MTA1: variants seen among roughly 807,000 people sequenced by gnomAD.
MTA1 encodes metastasis associated 1.
In MTA1, 15 loss-of-function variants were observed where a neutral mutation model predicts 97.0. The observed-to-expected ratio is 0.15, with a 90% CI of 0.10 to 0.24. MTA1 has a LOEUF of 0.24. MTA1 is among the 10% of genes least tolerant of loss of function. The probability of loss-of-function intolerance (pLI) is 1.00; values close to 1 mark genes in which losing one functional copy is unlikely to be tolerated. For synonymous variants in MTA1, 435 were observed against 417.5 expected (o/e 1.04, Z -0.51); for missense variants, 709 against 1,015.1 (o/e 0.70, Z 4.10).
intron 7 of MTA1, among the ~76,000 whole-genome samples, chr14:105,455,467 A>G (rs1305585899): frequency 6.6e-6 from 1 of 152,212 alleles, no homozygotes; most frequent in African/African-American, 2.4e-5. Context: ...GCTGCCCTCG[A>G]GACGCAGGGC....
At chr14:105,428,447 C>T (rs1331398647) in intron 1 of MTA1, among the ~76,000 whole-genome samples, 2 of 152,120 alleles carry the variant, frequency 1.3e-5, no homozygotes, top group Non-Finnish European at 2.9e-5. Flanking sequence ...TGCACCACCA[C>T]ACCCAGCTAA....
chr14:105,437,300 C>T (rs1356054884), intron 1 of MTA1, among the ~76,000 whole-genome samples: 1 of 151,046 alleles, frequency 6.6e-6, no homozygotes, highest in Non-Finnish European at 1.5e-5. Context: ...GGTGCGTCCT[C>T]ATGGGCGTGT....
chr14:105,441,658 G>C (rs969656483), intron 2 of MTA1, among the ~76,000 whole-genome samples: 2 of 152,172 alleles, frequency 1.3e-5, no homozygotes, highest in African/African-American at 2.4e-5. Context: ...GCCGGGCGTG[G>C]TGGCGGGCGC....
chr14:105,443,205 G>A (rs587695259), intron 2 of MTA1, among the ~76,000 whole-genome samples: 2 of 152,260 alleles, frequency 1.3e-5, no homozygotes, highest in East Asian at 3.9e-4. Flanking sequence ...ATCATGACTT[G>A]AAGCAGAGCA....
chr14:105,455,440 C>A (rs1413054183), intron 7 of MTA1, among the ~76,000 whole-genome samples: 1 of 152,242 alleles, frequency 6.6e-6, no homozygotes, highest in African/African-American at 2.4e-5. Flanking sequence ...CATCTCCCCG[C>A]TGGGCAAGGC....
At chr14:105,423,045 T>C (rs782688744) in intron 1 of MTA1, among the ~76,000 whole-genome samples, 1 of 152,068 alleles carries the variant, frequency 6.6e-6, no homozygotes, top group Non-Finnish European at 1.5e-5. Flanking sequence ...ATGAAGATGT[T>C]AGATAGCATC....
At chr14:105,448,590 G>A (rs1191706885) in intron 3 of MTA1, among the ~76,000 whole-genome samples, 1 of 152,212 alleles carries the variant, frequency 6.6e-6, no homozygotes, top group Non-Finnish European at 1.5e-5. Flanking sequence ...GAGATGTGTT[G>A]GCCTGGGATG....
intron 1 of MTA1, among the ~76,000 whole-genome samples, chr14:105,428,717 CTT>C (rs60016099): frequency 2.5e-4 from 37 of 145,486 alleles, no homozygotes; most frequent in African/African-American, 4.8e-4. Flanking sequence ...AGAAGTGTTT[CTT>C]TTTTTTTTTT....
intron 18 of MTA1, chr14:105,467,711 G>A: frequency 2.9e-6 from 1 of 350,252 alleles, no homozygotes; most frequent in South Asian, 2.1e-5. Context: ...TATTGGGGCT[G>A]CCCCCATTGC....
intron 1 of MTA1, among the ~76,000 whole-genome samples, chr14:105,436,478 A>G (rs1221152255): frequency 6.6e-6 from 1 of 152,344 alleles, no homozygotes; most frequent in Non-Finnish European, 1.5e-5. Context: ...TACCACAGTC[A>G]TGATACAGAA....
At chr14:105,454,419 G>T in intron 7 of MTA1, 109 bp downstream of exon 7, 1 of 788,110 alleles carries the variant, frequency 1.3e-6, no homozygotes. Context: ...ATTCATGTGT[G>T]ACTGGGGGCG....
At chr14:105,435,068 C>T (rs2082289750) in intron 1 of MTA1, among the ~76,000 whole-genome samples, 2 of 152,134 alleles carry the variant, frequency 1.3e-5, no homozygotes, top group African/African-American at 2.4e-5. Context: ...CAGAAGCAGC[C>T]CTTTTCTCAC....
chr14:105,449,223 C>T lies in MTA1; in HGVS notation c.191-136C>T, dbSNP rs370951594. On this transcript the variant is annotated intron_variant, in intron 3 of 20. Transcript: ENST00000331320. ...ATGATCTTCAACCGGGTGGTCTTCA[C>T]GCCCCACCGGGAGGCCTGCGGCCCC... is the stretch of plus-strand genomic sequence containing the variant. 434 of 768,852 alleles carry T rather than the reference C, an allele frequency of 5.6e-4. 1 individual carries two copies. The South Asian group carries it at 7.6e-3, about 13-fold the overall frequency. 47.6% of individuals were successfully genotyped at this position (768,852 alleles called of 1,614,324 possible).
chr14:105,434,039 G>T (rs781885502), intron 1 of MTA1, among the ~76,000 whole-genome samples: 13 of 152,336 alleles, frequency 8.5e-5, no homozygotes, highest in East Asian at 5.8e-4. Flanking sequence ...TGTTGGCCAG[G>T]ATGGTCTCGA....
intron 2 of MTA1, among the ~76,000 whole-genome samples, chr14:105,439,750 C>T (rs1339700331): frequency 6.6e-6 from 1 of 152,132 alleles, no homozygotes; most frequent in Admixed American, 6.5e-5. Context: ...CCCCTGGAGC[C>T]AGTGGCCCGA....
intron 3 of MTA1, 173 bp downstream of exon 3, chr14:105,445,684 G>T: frequency 1.3e-6 from 1 of 747,966 alleles, no homozygotes. Context: ...GGGTGTCCTG[G>T]CTCCGTTTCC....
intron 1 of MTA1, among the ~76,000 whole-genome samples, chr14:105,432,250 T>C (rs2141441279): frequency 6.6e-6 from 1 of 152,216 alleles, no homozygotes; most frequent in South Asian, 2.1e-4. Flanking sequence ...TATTTATTTA[T>C]TTATTTTTGA....
At chr14:105,469,204 G>A (rs1046706271) in intron 18 of MTA1, 9 of 616,750 alleles carry the variant, frequency 1.5e-5, no homozygotes, top group Admixed American at 2.3e-5. Flanking sequence ...GGAGGTGACT[G>A]TCGGGTCCAA....
intron 1 of MTA1, among the ~76,000 whole-genome samples, chr14:105,423,100 T>C (rs1315300271): frequency 3.9e-5 from 6 of 152,206 alleles, no homozygotes; most frequent in African/African-American, 1.4e-4. Flanking sequence ...CGCCTGCAGC[T>C]TGCTCATGTG....
Sources: allele counts gnomAD v4.1 joint callset (sites outside exome capture counted in the v4.1 genomes callset), GRCh38; gene constraint gnomAD v4.1.1; transcripts MANE v1.5; gene names NCBI Gene and HGNC (gene_info 2026-07-23, HGNC 2026-07-21).